Variants in SLC24A2 observed in about 807,000 individuals in gnomAD.
SLC24A2 encodes the protein sodium/potassium/calcium exchanger 2.
SLC24A2 carries 36 observed loss-of-function variants against 62.0 expected under a neutral mutation model. The observed-to-expected ratio is 0.58, with a 90% confidence interval of 0.44 to 0.77. The LOEUF (loss-of-function observed/expected upper bound fraction) is 0.77. Ranked by LOEUF, SLC24A2 falls within the 30% of genes least tolerant of loss-of-function variation. The pLI is 0.00. For missense variants in SLC24A2, 846 were observed against 817.9 expected (o/e 1.03, Z -0.42); for synonymous variants, 358 against 294.0 (o/e 1.22, Z -2.23).
intron 5 of SLC24A2, among the ~76,000 whole-genome samples, chr9:19,582,916 C>T (rs983244695): frequency 2.6e-5 from 4 of 152,062 alleles, no homozygotes; most frequent in Non-Finnish European, 4.4e-5. Context: ...CTCCCCACTC[C>T]GCACACCCAC....
the SLC24A2 span, among the ~76,000 whole-genome samples, chr9:20,047,061 G>A: frequency 1.3e-5 from 2 of 152,024 alleles, no homozygotes; most frequent in African/African-American, 4.8e-5. Context: ...TAGAGTTTGG[G>A]AAGGAGCCGG....
the SLC24A2 span, among the ~76,000 whole-genome samples, chr9:19,940,408 T>C: frequency 6.6e-6 from 1 of 152,186 alleles, no homozygotes; most frequent in Non-Finnish European, 1.5e-5. Context: ...GGCCTAGAGG[T>C]GGGCTCCCTT....
intron 2 of SLC24A2, among the ~76,000 whole-genome samples, chr9:19,720,562 G>C (rs751103120): frequency 1.3e-5 from 2 of 152,102 alleles, no homozygotes; most frequent in Non-Finnish European, 2.9e-5. Flanking sequence ...TTAAACTGTG[G>C]AACTGCTAGA....
the SLC24A2 span, among the ~76,000 whole-genome samples, chr9:19,804,457 C>G: frequency 6.6e-6 from 1 of 151,722 alleles, no homozygotes; most frequent in Non-Finnish European, 1.5e-5. Flanking sequence ...TTCAATTTTC[C>G]ATTGCTAGTA....
chr9:19,771,331 T>C (rs114821134), intron 2 of SLC24A2, among the ~76,000 whole-genome samples: 14 of 152,340 alleles, frequency 9.2e-5, no homozygotes, highest in African/African-American at 3.1e-4. Flanking sequence ...TCCTCAAGTG[T>C]GTGTGACTTG....
At chr9:19,843,623 CCAGGTAGTAAGCA>C in the SLC24A2 span, among the ~76,000 whole-genome samples, 1 of 152,000 alleles carries the variant, frequency 6.6e-6, no homozygotes, top group Non-Finnish European at 1.5e-5. Flanking sequence ...ATTCCATCAC[CCAGGTAGTAAGCA>C]CAGGGCCCAA....
At chr9:19,851,376 G>A in the SLC24A2 span, among the ~76,000 whole-genome samples, 1 of 152,148 alleles carries the variant, frequency 6.6e-6, no homozygotes, top group Non-Finnish European at 1.5e-5. Context: ...TGTGCAGGAT[G>A]TGCAGGTTTA....
chr9:20,061,896 C>T, the SLC24A2 span, among the ~76,000 whole-genome samples: 2 of 151,960 alleles, frequency 1.3e-5, no homozygotes, highest in South Asian at 2.1e-4. Context: ...GAAAGGGCAA[C>T]CCACGGAGTG....
intron 2 of SLC24A2, among the ~76,000 whole-genome samples, chr9:19,674,861 T>C (rs576025118): frequency 6.6e-6 from 1 of 152,334 alleles, no homozygotes; most frequent in Admixed American, 6.5e-5. Flanking sequence ...TCTGGCAATT[T>C]AGGGATTTCT....
chr9:20,082,514 G>A, the SLC24A2 span, among the ~76,000 whole-genome samples: 7 of 152,204 alleles, frequency 4.6e-5, no homozygotes, highest in Non-Finnish European at 1.0e-4. Flanking sequence ...CAGGAGCATG[G>A]TGGCCTGTGA....
chr9:19,900,824 T>A, the SLC24A2 span, among the ~76,000 whole-genome samples: 1 of 152,312 alleles, frequency 6.6e-6, no homozygotes, highest in East Asian at 1.9e-4. Flanking sequence ...CCACTGACAA[T>A]TTTGGGAAAT....
At chr9:20,239,022 T>G in the SLC24A2 span, among the ~76,000 whole-genome samples, 1 of 152,208 alleles carries the variant, frequency 6.6e-6, no homozygotes, top group African/African-American at 2.4e-5. Flanking sequence ...AGAAACTAAA[T>G]TGGCTAAATC....
At chr9:20,007,879 C>CTTTTTTTTTTT in the SLC24A2 span, among the ~76,000 whole-genome samples, 1 of 39,540 alleles carries the variant, frequency 2.5e-5, no homozygotes, top group African/African-American at 1.1e-4. Context: ...TTACTCCTCT[C>CTTTTTTTTTTT]TTTTTTTTTT....
chr9:19,721,891 T>A (rs1360899142), intron 2 of SLC24A2, among the ~76,000 whole-genome samples: 1 of 152,198 alleles, frequency 6.6e-6, no homozygotes, highest in African/African-American at 2.4e-5. Context: ...AGTCACTAAA[T>A]TAGTGAGGTT....
chr9:19,606,335 T>C (rs1032641399), intron 4 of SLC24A2, among the ~76,000 whole-genome samples: 4 of 152,264 alleles, frequency 2.6e-5, no homozygotes, highest in African/African-American at 9.6e-5. Context: ...CTGGTTGTTA[T>C]GGTCTCAGGG....
chr9:20,275,225 A>C, the SLC24A2 span, among the ~76,000 whole-genome samples: 9 of 152,162 alleles, frequency 5.9e-5, no homozygotes, highest in Non-Finnish European at 1.3e-4. Flanking sequence ...AAGTGAGGAG[A>C]GAGAAGACCT....
the SLC24A2 span, among the ~76,000 whole-genome samples, chr9:19,838,570 C>T: frequency 3.3e-5 from 5 of 150,022 alleles, no homozygotes; most frequent in Admixed American, 6.7e-5. Flanking sequence ...ACTTGGGAGG[C>T]GGAAGTTGCA....
At chr9:20,114,260 A>G in the SLC24A2 span, among the ~76,000 whole-genome samples, 1 of 152,156 alleles carries the variant, frequency 6.6e-6, no homozygotes, top group Non-Finnish European at 1.5e-5. Flanking sequence ...GACAGATGAA[A>G]TAATTCATGC....
the SLC24A2 span, among the ~76,000 whole-genome samples, chr9:20,062,304 A>T: frequency 6.6e-6 from 1 of 151,594 alleles, no homozygotes; most frequent in African/African-American, 2.4e-5. Flanking sequence ...ATATAGATAA[A>T]TGGAACAGAA....
Sources: gnomAD v4.1 joint callset for allele counts (sites outside exome capture counted in the v4.1 genomes callset) on GRCh38, gnomAD v4.1.1 for gene constraint, MANE v1.5 for transcripts, NCBI Gene and HGNC (gene_info 2026-07-23, HGNC 2026-07-21) for gene names.